The following GPC5 variants were observed in gnomAD, a reference collection of about 807,000 sequenced individuals.
GPC5 encodes the protein glypican 5.
In GPC5, 47 loss-of-function variants were observed where a neutral mutation model predicts 53.9. The ratio of observed to expected loss-of-function variants is 0.87; its 90% CI spans 0.69 to 1.11. The LOEUF (loss-of-function observed/expected upper bound fraction) is 1.11. Among genes scored for constraint, GPC5 ranks in the 50% most tolerant of loss-of-function variants. GPC5 has a pLI of 0.00. For synonymous variants in GPC5, 286 were observed against 263.3 expected, an observed-to-expected ratio of 1.09 and a Z score of -0.84; for missense variants, 748 against 713.1, an observed-to-expected ratio of 1.05 and a Z score of -0.56.
At chr13:92,479,011 C>G (rs1879251829) in intron 7 of GPC5, among the ~76,000 whole-genome samples, 1 of 152,028 alleles carries the variant, frequency 6.6e-6, no homozygotes, top group South Asian at 2.1e-4. Context: ...ATGAAGTGGA[C>G]TAAGAATATC....
intron 7 of GPC5, among the ~76,000 whole-genome samples, chr13:92,573,973 C>A (rs1170832186): frequency 1.3e-5 from 2 of 152,122 alleles, no homozygotes; most frequent in Non-Finnish European, 2.9e-5. Context: ...GAACAGCAAT[C>A]GCACCTTCTC....
chr13:92,196,224 T>G (rs1019997108), intron 7 of GPC5, among the ~76,000 whole-genome samples: 2 of 152,180 alleles, frequency 1.3e-5, no homozygotes, highest in Non-Finnish European at 2.9e-5. Context: ...TAAAATAGTT[T>G]GAAAACTTTG....
chr13:91,705,653 C>T (rs985998636), intron 3 of GPC5, among the ~76,000 whole-genome samples: 8 of 151,676 alleles, frequency 5.3e-5, no homozygotes, highest in Non-Finnish European at 1.2e-4. Flanking sequence ...GAATAGGAAA[C>T]CTTTATTCTC....
At chr13:91,622,111 C>T (rs2033878021) in intron 2 of GPC5, among the ~76,000 whole-genome samples, 1 of 152,004 alleles carries the variant, frequency 6.6e-6, no homozygotes, top group South Asian at 2.1e-4. Context: ...TTCTAGCCAC[C>T]CTGGCAACTG....
At chr13:92,751,323 A>C (rs1222820859) in intron 7 of GPC5, among the ~76,000 whole-genome samples, 1 of 148,406 alleles carries the variant, frequency 6.7e-6, no homozygotes, top group East Asian at 2.0e-4. Flanking sequence ...AAAAAAAAAA[A>C]AAAAAAAAAA....
intron 7 of GPC5, among the ~76,000 whole-genome samples, chr13:92,465,819 T>C (rs1878669047): frequency 6.6e-6 from 1 of 152,000 alleles, no homozygotes; most frequent in African/African-American, 2.4e-5. Flanking sequence ...AGTTCTATTG[T>C]CTGAATCTAG....
At chr13:92,703,579 T>G (rs1354784236) in intron 7 of GPC5, among the ~76,000 whole-genome samples, 1 of 150,252 alleles carries the variant, frequency 6.7e-6, no homozygotes, top group Non-Finnish European at 1.5e-5. Context: ...ATTATATAAA[T>G]TCATTATAAA....
chr13:92,710,598 A>T (rs1888101444), intron 7 of GPC5, among the ~76,000 whole-genome samples: 1 of 152,206 alleles, frequency 6.6e-6, no homozygotes, highest in Non-Finnish European at 1.5e-5. Context: ...CAATTAGGGA[A>T]GGATCTTCAA....
chr13:92,139,853 C>T (rs1293969729), intron 6 of GPC5, among the ~76,000 whole-genome samples: 1 of 151,858 alleles, frequency 6.6e-6, no homozygotes, highest in Non-Finnish European at 1.5e-5. Context: ...GCATTGAAGG[C>T]AGGGTAAGCT....
At chr13:92,300,200 A>G (rs910543481) in intron 7 of GPC5, among the ~76,000 whole-genome samples, 2 of 152,190 alleles carry the variant, frequency 1.3e-5, no homozygotes, top group African/African-American at 4.8e-5. Flanking sequence ...GAGGGTAAAC[A>G]CATACACAGG....
chr13:92,418,080 T>C lies in GPC5; in HGVS notation c.1561+273091T>C, dbSNP rs563403492. On this transcript the variant is annotated intron_variant, in intron 7 of 7. Transcript: ENST00000377067. ...GGTCAAATATATGATTCTATTTATA[T>C]ACATTTTTAGAATTGGTGAATTTAT... is the stretch of plus-strand genomic sequence containing the variant. Among the ~76,000 whole-genome samples the C allele has an allele frequency of 2.0e-5, 3 of 152,330 alleles. No homozygotes were observed. In the East Asian group the frequency reaches 5.8e-4, roughly 29 times the overall value.
At chr13:91,733,156 T>G (rs2036739180) in intron 4 of GPC5, among the ~76,000 whole-genome samples, 1 of 152,196 alleles carries the variant, frequency 6.6e-6, no homozygotes, top group Non-Finnish European at 1.5e-5. Flanking sequence ...GTTTTGTTTT[T>G]GAGACAGTCT....
chr13:91,423,573 G>A (rs551839798), intron 1 of GPC5, among the ~76,000 whole-genome samples: 2 of 151,836 alleles, frequency 1.3e-5, no homozygotes, highest in Admixed American at 6.6e-5. Context: ...TACCAGTAGA[G>A]GGGGGGTGTG....
intron 6 of GPC5, among the ~76,000 whole-genome samples, chr13:91,925,110 T>C (rs758573381): frequency 6.6e-6 from 1 of 152,224 alleles, no homozygotes; most frequent in Non-Finnish European, 1.5e-5. Flanking sequence ...TGAGCTACTG[T>C]GCCCGGCCAC....
intron 5 of GPC5, among the ~76,000 whole-genome samples, chr13:91,849,000 T>TA (rs2138886891): frequency 6.6e-6 from 1 of 152,324 alleles, no homozygotes; most frequent in Admixed American, 6.5e-5. Context: ...AACTATTTTT[T>TA]AGAGGTGAGA....
At chr13:92,844,536 ATGTGTG>A (rs36093777) in intron 7 of GPC5, among the ~76,000 whole-genome samples, 5 of 149,746 alleles carry the variant, frequency 3.3e-5, no homozygotes, top group South Asian at 2.1e-4. Context: ...TACAGGAAAA[ATGTGTG>A]TGTGTGTGTG....
intron 6 of GPC5, among the ~76,000 whole-genome samples, chr13:92,055,391 A>T (rs982698204): frequency 6.6e-6 from 1 of 152,174 alleles, no homozygotes; most frequent in South Asian, 2.1e-4. Flanking sequence ...TATACTCTTA[A>T]ATGTTTAAGG....
intron 7 of GPC5, among the ~76,000 whole-genome samples, chr13:92,250,731 A>G (rs1475247386): frequency 6.6e-6 from 1 of 152,130 alleles, no homozygotes; most frequent in East Asian, 1.9e-4. Context: ...AAAATAATGC[A>G]TCTAAAAACT....
At chr13:92,793,051 G>C (rs1044314159) in intron 7 of GPC5, among the ~76,000 whole-genome samples, 4 of 152,064 alleles carry the variant, frequency 2.6e-5, no homozygotes, top group African/African-American at 7.2e-5. Flanking sequence ...GACATCTACA[G>C]AACTCTCCAC....
Sources: allele counts gnomAD v4.1 joint callset (sites outside exome capture counted in the v4.1 genomes callset), GRCh38; gene constraint gnomAD v4.1.1; transcripts MANE v1.5; gene names NCBI Gene and HGNC (gene_info 2026-07-23, HGNC 2026-07-21).